The following TAFA1 variants were observed in gnomAD, a reference collection of about 807,000 sequenced individuals.
TAFA1 encodes chemokine-like protein TAFA-1.
In TAFA1, 4 loss-of-function variants were observed where a neutral mutation model predicts 18.5. That is an observed-to-expected ratio of 0.22 (90% CI 0.11 to 0.49). The LOEUF (loss-of-function observed/expected upper bound fraction) is 0.49. Among genes scored for constraint, TAFA1 ranks in the 20% least tolerant of loss-of-function variants. The probability of loss-of-function intolerance (pLI) is 0.98; values close to 1 mark genes in which losing one functional copy is unlikely to be tolerated. For synonymous variants in TAFA1, 56 were observed against 55.2 expected (o/e 1.01, Z -0.06); for missense variants, 147 against 169.0 (o/e 0.87, Z 0.72).
intron 2 of TAFA1, among the ~76,000 whole-genome samples, chr3:68,278,475 G>T (rs917839332): frequency 6.6e-6 from 1 of 152,092 alleles, no homozygotes; most frequent in Non-Finnish European, 1.5e-5. Flanking sequence ...GAGGCAGGTT[G>T]TTGTTCATCT....
At chr3:68,487,565 G>A (rs1290980850) in intron 3 of TAFA1, among the ~76,000 whole-genome samples, 1 of 151,876 alleles carries the variant, frequency 6.6e-6, no homozygotes. Context: ...GGCTAACACG[G>A]TGAAACCCTG....
intron 2 of TAFA1, among the ~76,000 whole-genome samples, chr3:68,158,537 A>G (rs2065890355): frequency 6.6e-6 from 1 of 151,778 alleles, no homozygotes; most frequent in Admixed American, 6.6e-5. Context: ...GGTCTCATCA[A>G]TCAAAAAGTC....
chr3:68,158,532 C>T (rs1057450482), intron 2 of TAFA1, among the ~76,000 whole-genome samples: 1 of 151,022 alleles, frequency 6.6e-6, no homozygotes, highest in African/African-American at 2.4e-5. Context: ...TATGAGGTCT[C>T]ATCAATCAAA....
In TAFA1 at chr3:68,514,010, T is replaced by C. The variant is rs575329471; in HGVS notation, c.260-24746T>C. On this transcript the variant is annotated intron_variant, in intron 3 of 4. Transcript: ENST00000478136. The stretch of plus-strand genomic sequence containing the variant: ...ATCAAGGTGCTTTGCAGATTTAGTG[T>C]CTGGTGAGGGCCACTTCCCCACAGG... Among the ~76,000 whole-genome samples the C allele has an allele frequency of 9.9e-5, 15 of 152,246 alleles. 1 individual carries two copies. The South Asian group carries it at 1.9e-3, about 19-fold the overall frequency.
intron 2 of TAFA1, among the ~76,000 whole-genome samples, chr3:68,394,954 C>G (rs2070344473): frequency 6.6e-6 from 1 of 152,086 alleles, no homozygotes; most frequent in African/African-American, 2.4e-5. Flanking sequence ...CAAATGGGAT[C>G]TAATTAAATC....
chr3:68,379,688 G>A (rs1007341628), intron 2 of TAFA1, among the ~76,000 whole-genome samples: 14 of 147,418 alleles, frequency 9.5e-5, no homozygotes, highest in African/African-American at 3.5e-4. Context: ...TACAGTTTGG[G>A]TTTTTACATT....
chr3:68,525,218 C>T (rs777882311), intron 3 of TAFA1, among the ~76,000 whole-genome samples: 1 of 152,068 alleles, frequency 6.6e-6, no homozygotes, highest in Non-Finnish European at 1.5e-5. Context: ...AATTTCGAAG[C>T]GTCAGTATGG....
chr3:68,002,593 T>C (rs1023420051), upstream of TAFA1, among the ~76,000 whole-genome samples: 1 of 152,246 alleles, frequency 6.6e-6, no homozygotes, highest in Admixed American at 6.5e-5. Context: ...TGGTGTAATA[T>C]GTACCTCTAG....
intron 2 of TAFA1, among the ~76,000 whole-genome samples, chr3:68,075,552 G>A (rs889396626): frequency 1.2e-4 from 18 of 152,160 alleles, no homozygotes; most frequent in African/African-American, 4.3e-4. Context: ...ATACTGTGAA[G>A]AAGCAGCAAT....
chr3:68,513,708 A>G (rs73097668), intron 3 of TAFA1, among the ~76,000 whole-genome samples: 3,542 of 152,288 alleles, frequency 0.023, 58 homozygotes, highest in Middle Eastern at 0.061. Context: ...AAAAAAGACT[A>G]TAAAGCAGGA....
chr3:68,238,519 G>A (rs2066957572), intron 2 of TAFA1, among the ~76,000 whole-genome samples: 1 of 152,176 alleles, frequency 6.6e-6, no homozygotes, highest in Non-Finnish European at 1.5e-5. Flanking sequence ...TACATTATAT[G>A]ACCTATATAG....
intron 2 of TAFA1, among the ~76,000 whole-genome samples, chr3:68,361,948 G>A (rs1258323648): frequency 6.6e-6 from 1 of 152,014 alleles, no homozygotes; most frequent in African/African-American, 2.4e-5. Context: ...TACTAACATG[G>A]TGTCACTCAT....
At position 68,057,643 on chromosome 3, in the gene TAFA1, A is replaced by G. The variant is rs773773846; in HGVS notation, c.118+50899A>G. 2.0e-5 allele frequency among the ~76,000 whole-genome samples: 3 copies of G among 152,230 alleles called. No homozygotes were observed. In the East Asian group the frequency reaches 5.8e-4, roughly 29 times the overall value. On this transcript the variant is annotated intron_variant, in intron 2 of 4. Transcript: ENST00000478136. The stretch of plus-strand genomic sequence containing the variant: ...TGAATGGGTTACCTTACACAGCAAA[A>G]GGGACTTTGCAGGTGTTTTTAAATT...
At chr3:68,358,187 A>G (rs569769387) in intron 2 of TAFA1, among the ~76,000 whole-genome samples, 10 of 152,116 alleles carry the variant, frequency 6.6e-5, no homozygotes, top group South Asian at 6.2e-4. Flanking sequence ...TTCTATGCTT[A>G]TATGACTTTC....
At chr3:68,076,830 G>A (rs541393326) in intron 2 of TAFA1, among the ~76,000 whole-genome samples, 2,072 of 152,256 alleles carry the variant, frequency 0.014, 13 homozygotes, top group African/African-American at 0.047. Flanking sequence ...CCCAGTAATG[G>A]GATGGCTGGG....
chr3:68,022,763 G>C (rs1704718273), intron 2 of TAFA1, among the ~76,000 whole-genome samples: 1 of 142,260 alleles, frequency 7.0e-6, no homozygotes, highest in East Asian at 2.0e-4. Context: ...GTGGAAGCTG[G>C]CTTTGAAAAA....
At chr3:68,520,087 T>A (rs2072996077) in intron 3 of TAFA1, among the ~76,000 whole-genome samples, 5 of 152,214 alleles carry the variant, frequency 3.3e-5, no homozygotes, top group African/African-American at 1.2e-4. Context: ...GCACTGGTGA[T>A]TGTTTTTTTT....
intron 2 of TAFA1, among the ~76,000 whole-genome samples, chr3:68,279,401 A>T (rs1275507275): frequency 2.0e-5 from 3 of 152,070 alleles, no homozygotes; most frequent in African/African-American, 7.2e-5. Context: ...GATTCATCTG[A>T]TCCCTCACCT....
chr3:68,241,966 A>T (rs138447484), intron 2 of TAFA1, among the ~76,000 whole-genome samples: 111 of 152,262 alleles, frequency 7.3e-4, no homozygotes, highest in Non-Finnish European at 1.5e-3. Flanking sequence ...TTAATTCCAG[A>T]GATTTCGTTT....
Sources: gnomAD v4.1 joint callset for allele counts (sites outside exome capture counted in the v4.1 genomes callset) on GRCh38, gnomAD v4.1.1 for gene constraint, MANE v1.5 for transcripts, NCBI Gene and HGNC (gene_info 2026-07-23, HGNC 2026-07-21) for gene names.